Variants in ELP4 observed in about 807,000 individuals in gnomAD.
The protein encoded by ELP4 is elongator acetyltransferase complex subunit 4.
ELP4 carries 51 observed loss-of-function variants against 48.9 expected under a neutral mutation model. The observed-to-expected ratio is 1.04, with a 90% CI of 0.83 to 1.32. The LOEUF is 1.32. Ranked by LOEUF, ELP4 falls within the 40% of genes most tolerant of loss-of-function variation. ELP4 has a pLI of 0.00. For missense variants in ELP4, 519 were observed against 514.6 expected (o/e 1.01, Z -0.08); for synonymous variants, 210 against 189.2 (o/e 1.11, Z -0.90).
chr11:31,766,737 T>G (rs966628160), intron 9 of ELP4, among the ~76,000 whole-genome samples: 2 of 152,056 alleles, frequency 1.3e-5, no homozygotes, highest in African/African-American at 4.8e-5. Context: ...TGAAGATGCC[T>G]GTTATAATTT....
intron 9 of ELP4, among the ~76,000 whole-genome samples, chr11:31,684,455 T>G (rs1946120718): frequency 6.6e-6 from 1 of 152,068 alleles, no homozygotes. Context: ...GATGCACTTA[T>G]CTCGGCCTCC....
chr11:31,587,359 G>C (rs1957493407), intron 3 of ELP4, among the ~76,000 whole-genome samples: 1 of 152,078 alleles, frequency 6.6e-6, no homozygotes, highest in South Asian at 2.1e-4. Flanking sequence ...AAGTAATAGG[G>C]GGGAAAAAAA....
rs141376507 is a variant in ELP4, at chr11:31,661,983, C to T, written c.1143+11762C>T. Among the ~76,000 whole-genome samples the T allele has an allele frequency of 5.9e-3, 902 of 152,104 alleles. 9 individuals carry two copies. Among genetic ancestry groups the T allele is most frequent in the African/African-American group, 0.021 (859 of 41,554 alleles). ...CTAGGACTAATCCTTATTGAAGAAT[C>T]ATCCTATTGACCTCTTTATTATACA... is the stretch of plus-strand genomic sequence containing the variant. On this transcript the variant is annotated intron_variant, in intron 9 of 9. Transcript: ENST00000640961.
chr11:31,674,266 T>A (rs1945871301), intron 9 of ELP4, among the ~76,000 whole-genome samples: 1 of 152,234 alleles, frequency 6.6e-6, no homozygotes, highest in East Asian at 1.9e-4. Context: ...CAGAACATTT[T>A]AAGCATTGTA....
intron 7 of ELP4, among the ~76,000 whole-genome samples, chr11:31,640,072 G>A (rs1368237717): frequency 6.6e-6 from 1 of 151,864 alleles, no homozygotes; most frequent in African/African-American, 2.4e-5. Context: ...GTCCAAGGAT[G>A]GACACAACTG....
intron 9 of ELP4, among the ~76,000 whole-genome samples, chr11:31,674,324 G>A (rs1945872562): frequency 6.6e-6 from 1 of 152,108 alleles, no homozygotes; most frequent in African/African-American, 2.4e-5. Context: ...CAGAACATTG[G>A]AGACACATTT....
chr11:31,510,007 G>C lies in ELP4; in HGVS notation c.223G>C (p.Gly75Arg), dbSNP rs1401497403. 1.9e-6 allele frequency: 3 copies of C among 1,610,616 alleles called. No homozygotes were observed. The highest frequency in any genetic ancestry group is 2.5e-6 in the Non-Finnish European group (3 of 1,179,338). ...TGLPALDQLL[G>R]GGLAVGTVLL... is the part of the protein sequence containing the mutation. ...GCTCCCAGCCCTAGACCAGCTCTTA[G>C]GTCGGTTCAGAGCGGAGATCTGGGC... The change falls in exon 1 of 10, where the codon GGT becomes CGT. Residue 75 changes from glycine (G) to arginine (R), a missense_variant and splice_region_variant. Coordinates refer to ENST00000640961, the MANE Select transcript of ELP4 (RefSeq NM_019040.5).
intron 9 of ELP4, among the ~76,000 whole-genome samples, chr11:31,746,046 A>G (rs960774918): frequency 2.0e-5 from 3 of 152,176 alleles, no homozygotes; most frequent in African/African-American, 7.2e-5. Flanking sequence ...AATTTACAAG[A>G]AAAAAACAAC....
At chr11:31,600,792 A>G (rs1186760518) in intron 4 of ELP4, among the ~76,000 whole-genome samples, 1 of 152,168 alleles carries the variant, frequency 6.6e-6, no homozygotes, top group Non-Finnish European at 1.5e-5. Context: ...AAGAAATAAT[A>G]ACAACAGTAA....
intron 9 of ELP4, among the ~76,000 whole-genome samples, chr11:31,676,686 T>C (rs188936677): frequency 2.0e-5 from 3 of 152,318 alleles, no homozygotes; most frequent in Non-Finnish European, 4.4e-5. Flanking sequence ...TGTTAGACAC[T>C]GTATAGGCAC....
chr11:31,670,055 C>A (rs7928673), intron 9 of ELP4, among the ~76,000 whole-genome samples: 96,552 of 152,000 alleles, frequency 0.64, 33,126 homozygotes, highest in Non-Finnish European at 0.76. Flanking sequence ...CCTTCTAAAT[C>A]TTTGGCATAT....
At chr11:31,534,676 T>G (rs1427184991) in intron 2 of ELP4, among the ~76,000 whole-genome samples, 1 of 152,192 alleles carries the variant, frequency 6.6e-6, no homozygotes, top group African/African-American at 2.4e-5. Context: ...AAGCAAGGAT[T>G]ATTTGAGGAC....
At chr11:31,754,909 C>T (rs748939544) in intron 9 of ELP4, among the ~76,000 whole-genome samples, 16 of 152,020 alleles carry the variant, frequency 1.1e-4, no homozygotes, top group Non-Finnish European at 1.6e-4. Context: ...GCAATGACAC[C>T]CCCATAACAA....
chr11:31,682,016 C>G lies in ELP4; in HGVS notation c.1143+31795C>G, dbSNP rs555395182. ...TCAGCCTCCCAAAGTGCTGGAATTACAGGCATGAGCTACCGCGCCCGGCCT... is the reference window on the plus strand; with the variant it reads ...TCAGCCTCCCAAAGTGCTGGAATTAGAGGCATGAGCTACCGCGCCCGGCCT... On this transcript the variant is annotated intron_variant, in intron 9 of 9. Transcript: ENST00000640961. 3.9e-6 allele frequency: 5 copies of G among 1,275,188 alleles called. No individual in the cohort carries two copies. The South Asian group carries it at 6.3e-5, about 16-fold the overall frequency. 79.0% of individuals were successfully genotyped at this position (1,275,188 alleles called of 1,614,324 possible). A position where few individuals can be genotyped will look rare whatever the true frequency, so the allele number is the denominator to read the frequency against.
chr11:31,628,964 A>G (rs1471559471), intron 6 of ELP4, among the ~76,000 whole-genome samples: 1 of 152,044 alleles, frequency 6.6e-6, no homozygotes, highest in Non-Finnish European at 1.5e-5. Context: ...TTACATTTTT[A>G]AAGAAAGTTT....
Position 31,615,046 on chromosome 11 carries a change from T to C in ELP4, c.653+11139T>C, listed in dbSNP as rs1256402220. On this transcript the variant is annotated intron_variant, in intron 5 of 9. Coordinates refer to ENST00000640961, the MANE Select transcript of ELP4 (RefSeq NM_019040.5). ...ACCAGTATGCCAGGTCAGATGGTTGTATTGTTCTCCTCTAGAAGAATGTCC... is the reference window on the plus strand; with the variant it reads ...ACCAGTATGCCAGGTCAGATGGTTGCATTGTTCTCCTCTAGAAGAATGTCC... Among the ~76,000 whole-genome samples, 3 of 152,226 alleles carry C rather than the reference T, an allele frequency of 2.0e-5. No homozygotes were observed. In the East Asian group the frequency reaches 5.8e-4, roughly 29 times the overall value.
At chr11:31,554,996 G>A (rs1317935223) in intron 3 of ELP4, among the ~76,000 whole-genome samples, 2 of 152,128 alleles carry the variant, frequency 1.3e-5, no homozygotes, top group Non-Finnish European at 2.9e-5. Context: ...TGCTTTCAAT[G>A]TCATTATTTG....
At position 31,645,120 on chromosome 11, in the gene ELP4, C is replaced by T. The variant is rs149705674; in HGVS notation, c.928-2621C>T. Among the ~76,000 whole-genome samples the T allele has an allele frequency of 5.2e-4, 79 of 151,690 alleles. 1 individual carries two copies. Among genetic ancestry groups the T allele is most frequent in the African/African-American group, 1.7e-3 (70 of 41,434 alleles). Reference sequence around the variant, plus strand: ...ATGAAAAATTATTCTTGTACTAATACTTTATGGAAGTTTTTTCAATAGACT... The same window carrying T: ...ATGAAAAATTATTCTTGTACTAATATTTTATGGAAGTTTTTTCAATAGACT... On this transcript the variant is annotated intron_variant, in intron 7 of 9. Transcript: ENST00000640961.
At position 31,783,651 on chromosome 11, in the gene ELP4, G is replaced by C; in HGVS notation, c.*127G>C. 1.2e-6 allele frequency: 1 copy of C among 865,750 alleles called. No homozygotes were observed. Among genetic ancestry groups the C allele is most frequent in the South Asian group, 3.1e-5 (1 of 31,862 alleles). 53.6% of individuals were successfully genotyped at this position (865,750 alleles called of 1,614,324 possible). A position where few individuals can be genotyped will look rare whatever the true frequency, so the allele number is the denominator to read the frequency against. ...CTTGAAAAACACAGGATTATAAAATGGTGCCGCCATTTCTCATTTTTTAAC... is the reference window on the plus strand; with the variant it reads ...CTTGAAAAACACAGGATTATAAAATCGTGCCGCCATTTCTCATTTTTTAAC... On this transcript the variant is annotated 3_prime_UTR_variant, in exon 10 of 10. Coordinates refer to ENST00000640961, the MANE Select transcript of ELP4 (RefSeq NM_019040.5).
Sources: gnomAD v4.1 joint callset for allele counts (sites outside exome capture counted in the v4.1 genomes callset) on GRCh38, gnomAD v4.1.1 for gene constraint, MANE v1.5 for transcripts, NCBI Gene and HGNC (gene_info 2026-07-23, HGNC 2026-07-21) for gene names.